ARSK: variants seen among roughly 807,000 people sequenced by gnomAD.
The protein encoded by ARSK is arylsulfatase K.
Under a neutral mutation model 53.2 loss-of-function variants are expected in ARSK, and 37 were observed. The observed-to-expected ratio is 0.70, with a 90% CI of 0.54 to 0.92. ARSK has a LOEUF of 0.92. Among genes scored for constraint, ARSK ranks in the 40% least tolerant of loss-of-function variants. The pLI is 0.00. For synonymous variants in ARSK, 208 were observed against 223.2 expected (o/e 0.93, Z 0.61); for missense variants, 613 against 643.0 (o/e 0.95, Z 0.51).
chr5:95,580,935 T>C (rs1380836999), intron 3 of ARSK: 1 of 1,287,326 alleles, frequency 7.8e-7, no homozygotes, highest in Admixed American at 2.3e-5. Flanking sequence ...TGAAAAAGTT[T>C]GAGAAAGGTA....
chr5:95,601,040 G>A lies in ARSK; in HGVS notation c.1290G>A (p.Ser430=), dbSNP rs61733083. Residue 430 remains serine (S), a synonymous_variant, in exon 7 of 8, where the codon TCG becomes TCA. Transcript: ENST00000380009. The part of the protein sequence containing the change: ...RTNHWKYIAY[S]DGASILPQLF... ...ACCACTGGAAATATATAGCCTATTC[G>A]GATGGTGCATCAATATTGCCTCAAC... 2,394 of 1,613,844 alleles carry A rather than the reference G, an allele frequency of 1.5e-3. 31 individuals are homozygous for A. In the African/African-American group the frequency reaches 0.028, roughly 19 times the overall value.
intron 6 of ARSK, among the ~76,000 whole-genome samples, chr5:95,594,119 A>AT (rs1000302409): frequency 3.3e-5 from 5 of 152,254 alleles, no homozygotes; most frequent in African/African-American, 9.6e-5. Flanking sequence ...CATTTAAATG[A>AT]TTTTTTTAGT....
At chr5:95,594,164 G>A (rs566174860) in intron 6 of ARSK, among the ~76,000 whole-genome samples, 28 of 152,192 alleles carry the variant, frequency 1.8e-4, no homozygotes, top group Middle Eastern at 6.8e-3. Context: ...CTATGGATGG[G>A]TCTTTATATA....
intron 4 of ARSK, among the ~76,000 whole-genome samples, chr5:95,584,049 C>T (rs897068554): frequency 1.1e-4 from 16 of 152,154 alleles, no homozygotes; most frequent in East Asian, 7.7e-4. Flanking sequence ...TTCCCAGCTC[C>T]GCTATTTCTT....
At chr5:95,600,759 G>GA in intron 6 of ARSK, 88 bp from the exon 7 acceptor site, 6 of 1,307,142 alleles carry the variant, frequency 4.6e-6, no homozygotes, top group South Asian at 1.2e-5. Flanking sequence ...TTAATGGTAT[G>GA]AAAAAAATGT....
chr5:95,592,183 GAACT>G (rs1228060693), intron 6 of ARSK, among the ~76,000 whole-genome samples: 10 of 152,096 alleles, frequency 6.6e-5, no homozygotes, highest in Non-Finnish European at 5.9e-5. Flanking sequence ...GGAAATCATA[GAACT>G]AACTTCTAGT....
At chr5:95,560,617 T>C (rs1439697737) in intron 1 of ARSK, among the ~76,000 whole-genome samples, 2 of 151,346 alleles carry the variant, frequency 1.3e-5, no homozygotes, top group African/African-American at 4.9e-5. Context: ...TTTAAACAAA[T>C]GGTGCTGGAA....
rs1748473057 is a variant in ARSK, at chr5:95,555,410, T to C, written c.126+6T>C. On this transcript the variant is annotated splice_donor_region_variant and intron_variant, in intron 1 of 7. Transcript: ENST00000380009. The surrounding 1 kb of genome is among the most constrained non-coding windows in gnomAD (Gnocchi z 4.0). ...TGGTCGTGAGCGACTCCTTCGTAAGTACCGCGAGGCAGGGGAGGGGCGCCC... is the reference window on the plus strand; with the variant it reads ...TGGTCGTGAGCGACTCCTTCGTAAGCACCGCGAGGCAGGGGAGGGGCGCCC... 1 of 1,598,424 alleles carries C rather than the reference T, an allele frequency of 6.3e-7. No individual in the cohort carries two copies. Among genetic ancestry groups the C allele is most frequent in the East Asian group, 2.3e-5 (1 of 44,176 alleles).
chr5:95,565,742 C>T (rs1748715045), intron 1 of ARSK, among the ~76,000 whole-genome samples: 1 of 152,152 alleles, frequency 6.6e-6, no homozygotes, highest in Non-Finnish European at 1.5e-5. Flanking sequence ...TTAGTCAGTT[C>T]ATCATCCCCC....
At chr5:95,592,028 C>A (rs1749226781) in intron 6 of ARSK, among the ~76,000 whole-genome samples, 3 of 152,210 alleles carry the variant, frequency 2.0e-5, no homozygotes, top group Admixed American at 6.5e-5. Context: ...CCTCCTCAGA[C>A]TCTTTAGATA....
At chr5:95,574,769 A>G (rs936561744) in intron 3 of ARSK, among the ~76,000 whole-genome samples, 1 of 151,890 alleles carries the variant, frequency 6.6e-6, no homozygotes, top group African/African-American at 2.4e-5. Context: ...ATAGTTTTCA[A>G]ATGTTTTCTC....
At chr5:95,581,876 T>C (rs76656230) in intron 3 of ARSK, among the ~76,000 whole-genome samples, 2 of 152,118 alleles carry the variant, frequency 1.3e-5, no homozygotes, top group Non-Finnish European at 2.9e-5. Context: ...AAATTATGGT[T>C]TTTTTATTTT....
intron 4 of ARSK, 80 bp from the exon 5 acceptor site, chr5:95,586,482 G>T: frequency 1.8e-6 from 2 of 1,101,482 alleles, no homozygotes; most frequent in East Asian, 2.4e-5. Context: ...AAACATTGTT[G>T]ATTTCATCAT....
At chr5:95,574,144 C>T (rs1748883250) in intron 3 of ARSK, among the ~76,000 whole-genome samples, 1 of 152,168 alleles carries the variant, frequency 6.6e-6, no homozygotes, top group South Asian at 2.1e-4. Flanking sequence ...TAATGACCTC[C>T]AGTTCCATCC....
chr5:95,560,085 A>G (rs1269314218), intron 1 of ARSK, among the ~76,000 whole-genome samples: 1 of 152,240 alleles, frequency 6.6e-6, no homozygotes, highest in African/African-American at 2.4e-5. Flanking sequence ...ATTTAAAGTA[A>G]CATCAGAATG....
At position 95,567,884 on chromosome 5, in the gene ARSK, T is replaced by C. The variant is rs1561361526; in HGVS notation, c.257-6T>C. The C allele has an allele frequency of 2.5e-6, 4 of 1,577,434 alleles. No homozygotes were observed. Among genetic ancestry groups the C allele is most frequent in the African/African-American group, 1.4e-5 (1 of 72,398 alleles). ...TAATCCCAATTCCTTTTTTTTTTTT[T>C]CTCAGCAATGTGGAGTGGCCTCTTC... On this transcript the variant is annotated splice_region_variant and splice_polypyrimidine_tract_variant and intron_variant, in intron 2 of 7. Transcript: ENST00000380009.
intron 3 of ARSK, among the ~76,000 whole-genome samples, chr5:95,573,146 AC>A (rs1388459948): frequency 6.6e-6 from 1 of 152,196 alleles, no homozygotes; most frequent in Non-Finnish European, 1.5e-5. Context: ...GGAATGTCAC[AC>A]TTAAAATAAT....
chr5:95,571,114 C>T (rs1748823399), intron 3 of ARSK, among the ~76,000 whole-genome samples: 1 of 152,224 alleles, frequency 6.6e-6, no homozygotes, highest in Non-Finnish European at 1.5e-5. Flanking sequence ...CTTTGCATTG[C>T]TAGTTACTTT....
chr5:95,563,539 A>G (rs570882680), intron 1 of ARSK, among the ~76,000 whole-genome samples: 4 of 152,298 alleles, frequency 2.6e-5, no homozygotes, highest in Admixed American at 6.5e-5. Context: ...TATCTCTGCC[A>G]CTATATTTCA....
Sources: gnomAD v4.1 joint callset for allele counts (sites outside exome capture counted in the v4.1 genomes callset) on GRCh38, gnomAD v4.1.1 for gene constraint, Gnocchi (gnomAD v3.1) non-coding constraint, MANE v1.5 for transcripts, NCBI Gene and HGNC (gene_info 2026-07-23, HGNC 2026-07-21) for gene names.